The following HECTD4 variants were observed in gnomAD, a reference collection of about 807,000 sequenced individuals.
HECTD4 encodes HECT domain E3 ubiquitin protein ligase 4.
In HECTD4, 114 loss-of-function variants were observed where a neutral mutation model predicts 471.5. The ratio of observed to expected loss-of-function variants is 0.24; its 90% CI spans 0.21 to 0.28. The LOEUF is 0.28. Ranked by LOEUF, HECTD4 falls within the 10% of genes least tolerant of loss-of-function variation. The pLI is 1.00. For missense variants in HECTD4, 3,866 were observed against 5,651.5 expected (o/e 0.68, Z 10.13); for synonymous variants, 2,012 against 2,256.0 (o/e 0.89, Z 3.07).
rs2032137484 is a variant in HECTD4 at position 112,193,106 on chromosome 12, A to T, written c.9041T>A (p.Phe3014Tyr). ...NMDVNFPGAA[F>Y]VVVSCKESQS... ...ACTTTCTTTACAAGACACAACAACA[A>T]AAGCTGCCCCGGGGAAATTCACGTC... Residue 3014 changes from phenylalanine to tyrosine, a missense_variant, in exon 58 of 76, where the codon TTT becomes TAT. Physicochemically the swap from Phe to Tyr is conservative, Grantham distance 22. Transcript: ENST00000682272. This position sits in a 1 kb window ranked among gnomAD's most constrained non-coding sequence, Gnocchi z 5.2. 2 of 1,613,948 alleles carry T rather than the reference A, an allele frequency of 1.2e-6. No homozygotes were observed. Among genetic ancestry groups the T allele is most frequent in the Non-Finnish European group, 1.7e-6 (2 of 1,179,882 alleles).
intron 18 of HECTD4, among the ~76,000 whole-genome samples, chr12:112,260,936 T>C (rs934571410): frequency 1.3e-5 from 2 of 152,136 alleles, no homozygotes; most frequent in Non-Finnish European, 2.9e-5. Context: ...GTGTAGCAGT[T>C]GGTAAGTCAC....
intron 41 of HECTD4, among the ~76,000 whole-genome samples, chr12:112,229,360 A>T (rs906219312): frequency 2.7e-5 from 4 of 150,722 alleles, no homozygotes; most frequent in Non-Finnish European, 4.4e-5. Context: ...ACAAACAAAC[A>T]AACTTGTTAC....
Position 112,193,410 on chromosome 12 carries a change from T to A in HECTD4, c.8955+59A>T. The A allele has an allele frequency of 6.7e-7, 1 of 1,489,184 alleles. No individual in the cohort carries two copies. 92.2% of individuals were successfully genotyped at this position (1,489,184 alleles called of 1,614,324 possible). On this transcript the variant is annotated intron_variant, in intron 57 of 75. Coordinates refer to ENST00000682272, the MANE Select transcript of HECTD4 (RefSeq NM_001388303.1). This position sits in a 1 kb window ranked among gnomAD's most constrained non-coding sequence, Gnocchi z 5.2. Reference sequence around the variant, plus strand: ...AGGGGAGTCATTTTCAGCAAGCCAGTGAGACTCCCAGTTAAAAATGGTAAC... The same window carrying A: ...AGGGGAGTCATTTTCAGCAAGCCAGAGAGACTCCCAGTTAAAAATGGTAAC...
At chr12:112,329,282 A>T (rs937584621) in intron 1 of HECTD4, among the ~76,000 whole-genome samples, 2 of 151,588 alleles carry the variant, frequency 1.3e-5, no homozygotes, top group Non-Finnish European at 1.5e-5. Context: ...CTGTATACAT[A>T]CTTCTTATCA....
At chr12:112,297,573 G>A (rs1406147937) in intron 7 of HECTD4, among the ~76,000 whole-genome samples, 1 of 151,990 alleles carries the variant, frequency 6.6e-6, no homozygotes, top group Non-Finnish European at 1.5e-5. Flanking sequence ...GCAGAGTCCA[G>A]AGTGACACCA....
intron 9 of HECTD4, among the ~76,000 whole-genome samples, chr12:112,275,806 C>G (rs1314858375): frequency 3.9e-5 from 6 of 152,082 alleles, no homozygotes; most frequent in African/African-American, 1.4e-4. Context: ...TTTCTATTTT[C>G]TACTGTTTCA....
chr12:112,237,558 C>T (rs533638976), intron 34 of HECTD4, among the ~76,000 whole-genome samples: 1 of 152,206 alleles, frequency 6.6e-6, no homozygotes, highest in African/African-American at 2.4e-5. Flanking sequence ...TGAGTCTACA[C>T]ACGCTGTTTG....
At chr12:112,209,956 T>TCATAA in intron 50 of HECTD4, 59 bp downstream of exon 50, 4 of 1,377,310 alleles carry the variant, frequency 2.9e-6, no homozygotes, top group Non-Finnish European at 4.1e-6. Flanking sequence ...TTTATGGAAT[T>TCATAA]CATAACATTC....
intron 1 of HECTD4, among the ~76,000 whole-genome samples, chr12:112,336,879 A>G (rs904151074): frequency 8.5e-5 from 13 of 152,348 alleles, no homozygotes; most frequent in African/African-American, 2.9e-4. Context: ...ATTTGTTATA[A>G]TAAGTTTTTT....
rs914364692 is a variant in HECTD4, at chr12:112,252,654, T to C, written c.3448-126A>G. On this transcript the variant is annotated intron_variant, in intron 22 of 75. Transcript: ENST00000682272. ...GCAATATTTCACTCCTTTTCTCATT[T>C]GCTTTTTGATTCAAATTCTATTCCC... 5.4e-6 allele frequency: 6 copies of C among 1,117,236 alleles called. No individual in the cohort carries two copies. In the African/African-American group the frequency reaches 7.9e-5, roughly 15 times the overall value. The allele number at this position is 1,117,236 out of a possible 1,614,324, so 69.2% of individuals were successfully genotyped here.
chr12:112,320,152 T>C (rs1057007182), intron 1 of HECTD4, among the ~76,000 whole-genome samples: 1 of 150,762 alleles, frequency 6.6e-6, no homozygotes, highest in Non-Finnish European at 1.5e-5. Flanking sequence ...CTGGGCAACA[T>C]GGTGAAACCC....
At position 112,228,683 on chromosome 12, in the gene HECTD4, A is replaced by G. The variant is rs770367385; in HGVS notation, c.6648T>C (p.Thr2216=). The change falls in exon 42 of 76, where the codon ACT becomes ACC. Residue 2216 remains threonine (T), a synonymous_variant. Transcript: ENST00000682272. The surrounding 1 kb of genome is among the most constrained non-coding windows in gnomAD (Gnocchi z 4.9). ...GAACACAAAGTCTAGACAATGGAAT[A>G]GTCAATGTGTCTGACGCTTGCGAAG... ...RKTSQASDTL[T]IPLSRLCVPR... is the part of the protein sequence containing the mutation. 2.4e-5 allele frequency: 39 copies of G among 1,611,216 alleles called. No individual in the cohort carries two copies. In the South Asian group the frequency reaches 4.2e-4, roughly 17 times the overall value.
Position 112,312,396 on chromosome 12 carries a change from C to T in HECTD4, c.916+621G>A, listed in dbSNP as rs151051907. 5.8e-4 allele frequency among the ~76,000 whole-genome samples: 88 copies of T among 152,254 alleles called. No individual in the cohort carries two copies. In the East Asian group the frequency reaches 0.016, roughly 28 times the overall value. On this transcript the variant is annotated intron_variant, in intron 4 of 75. Coordinates refer to ENST00000682272, the MANE Select transcript of HECTD4 (RefSeq NM_001388303.1). ...CCAGCCCTGTGGGTTCAGTGGGCCACGGCAGGGCAGCAGCCTAGACATTTT... is the reference window on the plus strand; with the variant it reads ...CCAGCCCTGTGGGTTCAGTGGGCCATGGCAGGGCAGCAGCCTAGACATTTT...
Position 112,217,149 on chromosome 12 carries a change from C to T in HECTD4, c.7121G>A (p.Arg2374Gln), listed in dbSNP as rs752362332. The change falls in exon 46 of 76, where the codon CGA becomes CAA. Residue 2374 changes from arginine to glutamine, a missense_variant. By Grantham distance (43) the Arg-to-Gln change is conservative. Coordinates refer to ENST00000682272, the MANE Select transcript of HECTD4 (RefSeq NM_001388303.1). ...WSPSRVFPPV[R>Q]ACMFSSHLTS... ...AAGGTGAGATGAGAACATGCAGGCT[C>T]GAACAGGCGGAAACACTCGCGAGGG... 3.2e-6 allele frequency: 5 copies of T among 1,572,648 alleles called. No homozygotes were observed. Among genetic ancestry groups the T allele is most frequent in the South Asian group, 1.2e-5 (1 of 84,324 alleles).
chr12:112,273,005 A>C (rs980093956), intron 11 of HECTD4, among the ~76,000 whole-genome samples: 3 of 152,180 alleles, frequency 2.0e-5, no homozygotes, highest in African/African-American at 4.8e-5. Flanking sequence ...CTAGCTAAGA[A>C]CACCATGGAC....
At chr12:112,333,713 C>T (rs2035886386) in intron 1 of HECTD4, among the ~76,000 whole-genome samples, 1 of 152,012 alleles carries the variant, frequency 6.6e-6, no homozygotes, top group Non-Finnish European at 1.5e-5. Context: ...CACAATAATG[C>T]AAGGGATAGA....
Position 112,167,498 on chromosome 12 carries a change from T to TCCC in HECTD4, c.12350_12352dup (p.Gly4117dup). 6.2e-7 allele frequency: 1 copy of TCCC among 1,608,118 alleles called. No individual in the cohort carries two copies. Among genetic ancestry groups the TCCC allele is most frequent in the Non-Finnish European group, 8.5e-7 (1 of 1,176,014 alleles). The stretch of plus-strand genomic sequence containing the variant: ...CCCCAGGAAGTGCAGCAGCTGCTCC[T>TCCC]CCCCGTAGGTGATGGGGCTCGGGGT... On this transcript the variant is annotated inframe_insertion, in exon 72 of 76. Coordinates refer to ENST00000682272, the MANE Select transcript of HECTD4 (RefSeq NM_001388303.1).
At chr12:112,324,105 C>T (rs1296023345) in intron 1 of HECTD4, among the ~76,000 whole-genome samples, 3 of 60,882 alleles carry the variant, frequency 4.9e-5, no homozygotes, top group African/African-American at 1.1e-4. Flanking sequence ...TTTCTTTCCT[C>T]TCTCTCTTTC....
chr12:112,226,179 T>A, intron 44 of HECTD4, among the ~76,000 whole-genome samples: 1 of 151,578 alleles, frequency 6.6e-6, no homozygotes, highest in African/African-American at 2.4e-5. Flanking sequence ...ATTTTGGTAT[T>A]TGGACTTTTC....
Sources: allele counts gnomAD v4.1 joint callset (sites outside exome capture counted in the v4.1 genomes callset), GRCh38; gene constraint gnomAD v4.1.1; non-coding constraint Gnocchi (gnomAD v3.1); transcripts MANE v1.5; gene names NCBI Gene and HGNC (gene_info 2026-07-23, HGNC 2026-07-21).